The following FRYL variants were observed in gnomAD, a reference collection of about 807,000 sequenced individuals.
FRYL encodes FRY like transcription coactivator, also known as protein furry homolog-like.
Under a neutral mutation model 351.2 loss-of-function variants are expected in FRYL, and 150 were observed. The ratio of observed to expected loss-of-function variants is 0.43; its 90% confidence interval spans 0.37 to 0.49. The LOEUF is 0.49. Among genes scored for constraint, FRYL ranks in the 20% least tolerant of loss-of-function variants. The pLI, the probability that FRYL is intolerant of heterozygous loss-of-function variation, is 0.00. For missense variants in FRYL, 3,036 were observed against 3,619.3 expected (o/e 0.84, Z 4.13); for synonymous variants, 1,153 against 1,257.1 (o/e 0.92, Z 1.75).
intron 15 of FRYL, among the ~76,000 whole-genome samples, chr4:48,595,290 T>C (rs1744373562): frequency 6.6e-6 from 1 of 152,196 alleles, no homozygotes; most frequent in South Asian, 2.1e-4. Flanking sequence ...TATCAGTACC[T>C]AAGAATCTAG....
chr4:48,709,435 T>G (rs1029276170), intron 2 of FRYL, among the ~76,000 whole-genome samples: 3 of 152,240 alleles, frequency 2.0e-5, no homozygotes, highest in Non-Finnish European at 4.4e-5. Flanking sequence ...AGGATAAGAA[T>G]GTGGAAAGAA....
intron 41 of FRYL, chr4:48,546,513 T>C (rs914495150): frequency 1.2e-5 from 5 of 429,248 alleles, no homozygotes; most frequent in Non-Finnish European, 2.1e-5. Context: ...TGCAGTCCTC[T>C]GCCGCCATCT....
chr4:48,586,770 T>C, intron 18 of FRYL, 42 bp from the exon 19 acceptor site: 6 of 1,287,136 alleles, frequency 4.7e-6, no homozygotes, highest in South Asian at 2.6e-5. Flanking sequence ...ATATTACATA[T>C]GCTAGACAAT....
At chr4:48,736,975 C>T in intron 1 of FRYL, among the ~76,000 whole-genome samples, 1 of 150,516 alleles carries the variant, frequency 6.6e-6, no homozygotes, top group East Asian at 2.0e-4. Flanking sequence ...ACACAAATTA[C>T]TAATATTAGA....
At chr4:48,681,046 G>C in intron 3 of FRYL, 1 of 1,285,664 alleles carries the variant, frequency 7.8e-7, no homozygotes, top group Non-Finnish European at 1.0e-6. Context: ...AACTAATCTT[G>C]GGGAACTTTC....
In FRYL at chr4:48,658,841, T is replaced by C. The variant is rs144304286; in HGVS notation, c.-80-24351A>G. On this transcript the variant is annotated intron_variant, in intron 3 of 63. Transcript: ENST00000358350. ...TCTGTTATGTAATTACCACCACACA[T>C]GAAATATAAACAAGAAAAAAAAAAC... Among the ~76,000 whole-genome samples the C allele has an allele frequency of 7.6e-3, 775 of 102,208 alleles. 10 individuals carry two copies. Among genetic ancestry groups the C allele is most frequent in the African/African-American group, 0.031 (715 of 23,082 alleles). The allele number at this position is 102,208 out of a possible 152,430, so 67.1% of individuals were successfully genotyped here.
intron 3 of FRYL, among the ~76,000 whole-genome samples, chr4:48,636,087 A>G (rs529508659): frequency 6.6e-6 from 1 of 152,312 alleles, no homozygotes; most frequent in Non-Finnish European, 1.5e-5. Flanking sequence ...AAAATACATT[A>G]TGTACTGTAT....
rs1455207215 is a variant in FRYL, at chr4:48,671,796, T to A, written c.-81+12877A>T. On this transcript the variant is annotated intron_variant, in intron 3 of 63. Coordinates refer to ENST00000358350, the MANE Select transcript of FRYL (RefSeq NM_015030.2). ...TGAACCTGGGAGGCAGAGGTTGCAG[T>A]GAGCCAAGATCACGCCACTGCACTC... 2.2e-5 allele frequency among the ~76,000 whole-genome samples: 3 copies of A among 134,042 alleles called. No individual in the cohort carries two copies. The Admixed American group carries it at 2.8e-4, about 12-fold the overall frequency. 87.9% of individuals were successfully genotyped at this position (134,042 alleles called of 152,430 possible).
At chr4:48,604,934 T>C (rs561181618) in intron 11 of FRYL, among the ~76,000 whole-genome samples, 62 of 151,852 alleles carry the variant, frequency 4.1e-4, no homozygotes, top group African/African-American at 1.4e-3. Flanking sequence ...AAAAGGATGA[T>C]CAAACAAAGG....
At chr4:48,772,679 C>CAAAAAAAAAAAAAAAAAAAAA (rs33926702) in intron 1 of FRYL, among the ~76,000 whole-genome samples, 4 of 50,268 alleles carry the variant, frequency 8.0e-5, no homozygotes, top group Non-Finnish European at 1.5e-4. Context: ...AGAGACCTAC[C>CAAAAAAAAAAAAAAAAAAAAA]AAAAAAAAAA....
At chr4:48,631,460 A>T (rs1752938821) in intron 4 of FRYL, among the ~76,000 whole-genome samples, 1 of 152,044 alleles carries the variant, frequency 6.6e-6, no homozygotes, top group South Asian at 2.1e-4. Context: ...TATTATTATT[A>T]TTAGAAAAAC....
chr4:48,574,624 C>G (rs1739159711), intron 25 of FRYL: 1 of 151,990 alleles, frequency 6.6e-6, no homozygotes, highest in Non-Finnish European at 1.5e-5. Flanking sequence ...AAATTCTGTG[C>G]CCAGGAGACA....
At chr4:48,690,737 T>C (rs972549492) in intron 2 of FRYL, among the ~76,000 whole-genome samples, 2 of 152,204 alleles carry the variant, frequency 1.3e-5, no homozygotes, top group Non-Finnish European at 2.9e-5. Flanking sequence ...TTTATATGTA[T>C]AGTTTTTTTA....
chr4:48,695,451 T>C (rs999719712), intron 2 of FRYL, among the ~76,000 whole-genome samples: 1 of 152,088 alleles, frequency 6.6e-6, no homozygotes, highest in Non-Finnish European at 1.5e-5. Context: ...ATTTGAAAAT[T>C]CATAAGCATT....
At chr4:48,680,914 T>TA (rs1294909166) in intron 3 of FRYL, 4 of 1,083,240 alleles carry the variant, frequency 3.7e-6, no homozygotes, top group Non-Finnish European at 4.7e-6. Flanking sequence ...TGCAAAGAAA[T>TA]ACGTTTTTAC....
At chr4:48,592,676 A>AT (rs1217175768) in intron 16 of FRYL, among the ~76,000 whole-genome samples, 2 of 152,168 alleles carry the variant, frequency 1.3e-5, no homozygotes, top group Admixed American at 1.3e-4. Flanking sequence ...TAAGAGCTTT[A>AT]TTTTTTTCCT....
chr4:48,725,921 T>C (rs995174711), intron 1 of FRYL, among the ~76,000 whole-genome samples: 2 of 152,180 alleles, frequency 1.3e-5, no homozygotes, highest in Non-Finnish European at 2.9e-5. Flanking sequence ...ATCTGAGGTT[T>C]CAGGCTTCCA....
In FRYL at chr4:48,540,400, A is replaced by G; in HGVS notation, c.6248T>C (p.Leu2083Pro). Residue 2083 changes from leucine (L) to proline (P), a missense_variant, in exon 46 of 64, where the codon CTC becomes CCC. Transcript: ENST00000358350. ...CAATGTATGTTTGGAGACAGAAATG[A>G]GTTTACTGAGGAGGTGCACGGTCAT... ...QEMTVHLLSK[L>P]ISVSKHTLVD... The G allele has an allele frequency of 6.2e-7, 1 of 1,613,916 alleles. No individual in the cohort carries two copies. Among genetic ancestry groups the G allele is most frequent in the Non-Finnish European group, 8.5e-7 (1 of 1,179,836 alleles).
intron 1 of FRYL, among the ~76,000 whole-genome samples, chr4:48,723,140 T>C (rs1267450277): frequency 6.6e-6 from 1 of 152,092 alleles, no homozygotes; most frequent in Non-Finnish European, 1.5e-5. Flanking sequence ...GGTTTTTTTT[T>C]GTTTGTTTTG....
Sources: allele counts gnomAD v4.1 joint callset (sites outside exome capture counted in the v4.1 genomes callset), GRCh38; gene constraint gnomAD v4.1.1; transcripts MANE v1.5; gene names NCBI Gene and HGNC (gene_info 2026-07-23, HGNC 2026-07-21).